Variants in RMDN2 observed in about 807,000 individuals in gnomAD.
RMDN2 encodes the protein regulator of microtubule dynamics 2.
In RMDN2, 61 loss-of-function variants were observed where a neutral mutation model predicts 52.8. That is an observed-to-expected ratio of 1.16 (90% CI 0.94 to 1.43). The LOEUF is 1.43. Ranked by LOEUF, RMDN2 falls within the 40% of genes most tolerant of loss-of-function variation. RMDN2 has a pLI of 0.00. For missense variants in RMDN2, 592 were observed against 475.3 expected (o/e 1.25, Z -2.28); for synonymous variants, 180 against 153.1 (o/e 1.18, Z -1.30).
At chr2:37,970,313 G>A (rs2125057143) in intron 2 of RMDN2, among the ~76,000 whole-genome samples, 1 of 152,110 alleles carries the variant, frequency 6.6e-6, no homozygotes, top group East Asian at 1.9e-4. Flanking sequence ...TGACTGAATT[G>A]ATCAGATAGG....
Position 38,004,052 on chromosome 2 carries a change from A to G in RMDN2, c.1098+8A>G, listed in dbSNP as rs1317325816. 1.2e-6 allele frequency: 2 copies of G among 1,611,064 alleles called. No individual in the cohort carries two copies. The highest frequency in any genetic ancestry group is 1.3e-5 in the African/African-American group (1 of 74,840). On this transcript the variant is annotated splice_region_variant and intron_variant, in intron 9 of 10. Transcript: ENST00000354545. ...TACATGTACTTAGCAAAGGTAATGA[A>G]GACCACTGTTCTGCTTTAAGATCAC...
chr2:38,018,887 C>T (rs1330341476), downstream of RMDN2, among the ~76,000 whole-genome samples: 1 of 152,112 alleles, frequency 6.6e-6, no homozygotes, highest in African/African-American at 2.4e-5. Flanking sequence ...CATGCACGCA[C>T]ACGCACACAC....
chr2:38,029,212 A>C (rs1419478004), intron 10 of RMDN2: 2 of 152,178 alleles, frequency 1.3e-5, no homozygotes, highest in African/African-American at 2.4e-5. Flanking sequence ...CACTGTCTAC[A>C]TTCCAGGCAC....
chr2:38,058,753 T>G (rs1681934960), intron 10 of RMDN2, among the ~76,000 whole-genome samples: 1 of 152,164 alleles, frequency 6.6e-6, no homozygotes, highest in Non-Finnish European at 1.5e-5. Flanking sequence ...AGAAGCTTTC[T>G]TTTATTTCCT....
At position 38,017,646 on chromosome 2, in the gene RMDN2, AGTT is replaced by A. The variant is rs1408771926; in HGVS notation, c.*412_*414del. On this transcript the variant is annotated 3_prime_UTR_variant, in exon 11 of 11. Coordinates refer to ENST00000354545, the MANE Select transcript of RMDN2 (RefSeq NM_001170791.3). The stretch of plus-strand genomic sequence containing the variant: ...GAAAACTCAGCAAAGGACATGAACA[AGTT>A]GTTGGCAGAAGAGGAAAAACAAACA... The A allele has an allele frequency of 2.1e-6, 2 of 953,216 alleles. No homozygotes were observed. Among genetic ancestry groups the A allele is most frequent in the Admixed American group, 3.5e-5 (1 of 28,396 alleles). The allele number at this position is 953,216 out of a possible 1,614,324, so 59.0% of individuals were successfully genotyped here.
At chr2:38,067,050 G>T in exon 11 of RMDN2, 1 of 1,564,610 alleles carries the variant, frequency 6.4e-7, no homozygotes, top group South Asian at 1.1e-5. Flanking sequence ...GTGGCACAGT[G>T]AAGGCCTGGA....
chr2:37,999,128 T>A (rs1358370186), intron 8 of RMDN2, among the ~76,000 whole-genome samples: 4 of 152,180 alleles, frequency 2.6e-5, no homozygotes, highest in Non-Finnish European at 4.4e-5. Flanking sequence ...GATGCTAATG[T>A]GCCTGAAATA....
chr2:37,970,887 T>G (rs535502996), intron 2 of RMDN2, among the ~76,000 whole-genome samples: 1 of 152,182 alleles, frequency 6.6e-6, no homozygotes, highest in South Asian at 2.1e-4. Context: ...GTTGCCCATT[T>G]TTAAATTGAA....
At chr2:38,021,133 C>G (rs1337479543), downstream of RMDN2, among the ~76,000 whole-genome samples, 1 of 152,162 alleles carries the variant, frequency 6.6e-6, no homozygotes, top group Non-Finnish European at 1.5e-5. Flanking sequence ...TGTAGCTACT[C>G]TGGTGGCAAC....
chr2:38,049,749 T>C (rs1558588139), intron 10 of RMDN2, among the ~76,000 whole-genome samples: 2 of 152,100 alleles, frequency 1.3e-5, no homozygotes, highest in Admixed American at 1.3e-4. Flanking sequence ...ATTTTTTATT[T>C]TGTAGAGATG....
chr2:38,041,575 C>A (rs2116232), intron 10 of RMDN2, among the ~76,000 whole-genome samples: 90,393 of 151,612 alleles, frequency 0.6, 27,698 homozygotes, highest in East Asian at 0.9. Context: ...TGTTAACTGT[C>A]GGCCTTTTGT....
intron 2 of RMDN2, among the ~76,000 whole-genome samples, chr2:37,967,225 C>T (rs1335532369): frequency 6.6e-6 from 1 of 152,286 alleles, no homozygotes; most frequent in Admixed American, 6.5e-5. Context: ...TCTGTTGGTT[C>T]TGTTTATACT....
rs2373325 is a variant in RMDN2, at chr2:37,966,999, C to G, written c.453-7041C>G. Among the ~76,000 whole-genome samples, 1,031 of 152,042 alleles carry G rather than the reference C, an allele frequency of 6.8e-3. 6 individuals carry two copies. The highest frequency in any genetic ancestry group is 0.024 in the African/African-American group (975 of 41,476). ...AGCTTGGGTGGAAGAATGGTGAAAT[C>G]ATTGATGCTTTACAAAAAGTTTATG... On this transcript the variant is annotated intron_variant, in intron 2 of 10. Transcript: ENST00000354545.
rs573063895 is a variant in RMDN2 at position 37,952,024 on chromosome 2, C to T, written c.453-22016C>T. The T allele has an allele frequency of 2.5e-6, 4 of 1,613,262 alleles. No homozygotes were observed. The African/African-American group carries it at 5.3e-5, about 22-fold the overall frequency. On this transcript the variant is annotated intron_variant, in intron 2 of 10. Transcript: ENST00000354545. The stretch of plus-strand genomic sequence containing the variant: ...CCAATCATGATTCCACAGCATCCCT[C>T]TCAAAGTGGAACTTTCCCATTCCTC...
intron 2 of RMDN2, chr2:37,951,361 C>G (rs1187495842): frequency 1.9e-6 from 3 of 1,613,146 alleles, no homozygotes; most frequent in Non-Finnish European, 8.5e-7. Context: ...ACATCTTATT[C>G]CCCTGTAACA....
chr2:37,979,055 G>A (rs1672959184), intron 4 of RMDN2, among the ~76,000 whole-genome samples: 1 of 152,128 alleles, frequency 6.6e-6, no homozygotes, highest in Non-Finnish European at 1.5e-5. Flanking sequence ...ATTGAAATAG[G>A]ATATATCCAA....
chr2:37,955,561 G>T (rs907467821), intron 2 of RMDN2, among the ~76,000 whole-genome samples: 3 of 152,112 alleles, frequency 2.0e-5, no homozygotes, highest in Non-Finnish European at 4.4e-5. Context: ...CATGTTGTGG[G>T]AGGGACCCAG....
At chr2:38,024,366 A>C (rs1246866854) in intron 10 of RMDN2, among the ~76,000 whole-genome samples, 2 of 152,206 alleles carry the variant, frequency 1.3e-5, no homozygotes, top group Non-Finnish European at 2.9e-5. Context: ...ACTGTTTTCC[A>C]AAGTGGTTTT....
intron 2 of RMDN2, among the ~76,000 whole-genome samples, chr2:37,959,569 A>T (rs570323163): frequency 6.7e-6 from 1 of 149,732 alleles, no homozygotes; most frequent in East Asian, 2.0e-4. Context: ...CTGGCTAGCG[A>T]TCTATTTTGT....
Sources: allele counts gnomAD v4.1 joint callset (sites outside exome capture counted in the v4.1 genomes callset), GRCh38; gene constraint gnomAD v4.1.1; transcripts MANE v1.5; gene names NCBI Gene and HGNC (gene_info 2026-07-23, HGNC 2026-07-21).